FARS2: variants seen among roughly 807,000 people sequenced by gnomAD.
FARS2 encodes phenylalanyl-tRNA synthetase 2, mitochondrial, also known as phenylalanine--tRNA ligase, mitochondrial.
A neutral mutation model predicts 46.4 loss-of-function variants in FARS2; 40 were observed. The observed-to-expected ratio is 0.86, with a 90% CI of 0.67 to 1.12. The LOEUF (loss-of-function observed/expected upper bound fraction) is 1.12, where lower values mean the gene tolerates loss of function less well. Ranked by LOEUF, FARS2 falls within the 50% of genes most tolerant of loss-of-function variation. FARS2 has a pLI of 0.00. For synonymous variants in FARS2, 234 were observed against 214.9 expected, an observed-to-expected ratio of 1.09 and a Z score of -0.78; for missense variants, 513 against 567.9, an observed-to-expected ratio of 0.90 and a Z score of 0.98.
chr6:5,358,551 A>AT (rs1229872173), intron 1 of FARS2, among the ~76,000 whole-genome samples: 5 of 152,032 alleles, frequency 3.3e-5, no homozygotes, highest in African/African-American at 4.8e-5. Context: ...TATTGAGAGG[A>AT]TTTTTTTCCC....
At position 5,461,748 on chromosome 6, in the gene FARS2, A is replaced by G. The variant is rs569378454; in HGVS notation, c.904+30576A>G. The stretch of plus-strand genomic sequence containing the variant: ...AGCACAGTGTTTTGCGGTTCATCCT[A>G]TTAGCATGTCTCAGTAGTTTGTTCT... On this transcript the variant is annotated intron_variant, in intron 4 of 6. Coordinates refer to ENST00000274680, the MANE Select transcript of FARS2 (RefSeq NM_006567.5). Among the ~76,000 whole-genome samples the G allele has an allele frequency of 4.4e-4, 67 of 152,268 alleles. 1 individual carries two copies. The highest frequency in any genetic ancestry group is 1.6e-3 in the African/African-American group (65 of 41,552).
chr6:5,685,245 G>C (rs1757106278), intron 6 of FARS2, among the ~76,000 whole-genome samples: 1 of 152,150 alleles, frequency 6.6e-6, no homozygotes, highest in Non-Finnish European at 1.5e-5. Flanking sequence ...TGTACGTATA[G>C]TTGCTTTTTC....
chr6:5,290,274 A>G (rs558840686), intron 1 of FARS2, among the ~76,000 whole-genome samples: 2 of 152,272 alleles, frequency 1.3e-5, no homozygotes, highest in African/African-American at 4.8e-5. Flanking sequence ...TTGACAACTC[A>G]TGCTTCCTGA....
chr6:5,613,806 C>T (rs900924345), intron 6 of FARS2, among the ~76,000 whole-genome samples: 1 of 152,068 alleles, frequency 6.6e-6, no homozygotes, highest in Non-Finnish European at 1.5e-5. Flanking sequence ...GAGAGGCAGA[C>T]GTTAAATACA....
At chr6:5,254,920 G>A in the FARS2 span, among the ~76,000 whole-genome samples, 2 of 152,012 alleles carry the variant, frequency 1.3e-5, no homozygotes, top group Non-Finnish European at 2.9e-5. Context: ...TCTACTCACG[G>A]CAGCAATTTA....
chr6:5,739,761 T>C (rs1761203307), intron 6 of FARS2, among the ~76,000 whole-genome samples: 1 of 152,176 alleles, frequency 6.6e-6, no homozygotes, highest in South Asian at 2.1e-4. Context: ...CCCAGAACGG[T>C]AGGTCAGGCA....
At chr6:5,376,040 C>T (rs992725822) in intron 2 of FARS2, among the ~76,000 whole-genome samples, 1 of 152,086 alleles carries the variant, frequency 6.6e-6, no homozygotes, top group African/African-American at 2.4e-5. Flanking sequence ...TTTCTACGTG[C>T]TGGGTGGAGA....
intron 2 of FARS2, among the ~76,000 whole-genome samples, chr6:5,371,832 G>T (rs1211012552): frequency 6.6e-6 from 1 of 152,032 alleles, no homozygotes; most frequent in Non-Finnish European, 1.5e-5. Context: ...TAAGGATGTA[G>T]ATATAAGTCC....
intron 2 of FARS2, among the ~76,000 whole-genome samples, chr6:5,393,869 G>T (rs887387829): frequency 7.9e-5 from 12 of 152,198 alleles, no homozygotes; most frequent in African/African-American, 2.9e-4. Flanking sequence ...TTTAGTATGT[G>T]GATGGAAGGG....
At chr6:5,512,731 C>T (rs1001770755) in intron 4 of FARS2, among the ~76,000 whole-genome samples, 2 of 152,074 alleles carry the variant, frequency 1.3e-5, no homozygotes, top group African/African-American at 4.8e-5. Context: ...AAAACACAAA[C>T]ACTTTCATGC....
chr6:5,449,346 C>A, intron 4 of FARS2, among the ~76,000 whole-genome samples: 1 of 73,346 alleles, frequency 1.4e-5, no homozygotes, highest in Non-Finnish European at 2.3e-5. Context: ...GAGTAAGACT[C>A]CATCTCAAAA....
chr6:5,539,384 G>GTGTA lies in FARS2; in HGVS notation c.905-5795_905-5794insGTAT. Among the ~76,000 whole-genome samples the GTGTA allele has an allele frequency of 2.2e-3, 178 of 79,592 alleles. 15 individuals are homozygous for GTGTA. The highest frequency in any genetic ancestry group is 7.1e-3 in the African/African-American group (154 of 21,626). 52.2% of individuals were successfully genotyped at this position (79,592 alleles called of 152,430 possible). A position where few individuals can be genotyped will look rare whatever the true frequency, so the allele number is the denominator to read the frequency against. ...ACCATGCCCACCTAATTTTTTTTGT[G>GTGTA]TATATATATATATATGTATATATTT... On this transcript the variant is annotated intron_variant, in intron 4 of 6. Transcript: ENST00000274680.
At chr6:5,496,108 A>G (rs1481732537) in intron 4 of FARS2, among the ~76,000 whole-genome samples, 1 of 152,190 alleles carries the variant, frequency 6.6e-6, no homozygotes, top group Non-Finnish European at 1.5e-5. Context: ...TACTACGGCC[A>G]TATAAAACAA....
At chr6:5,518,058 T>C (rs970900615) in intron 4 of FARS2, among the ~76,000 whole-genome samples, 9 of 152,314 alleles carry the variant, frequency 5.9e-5, no homozygotes, top group Non-Finnish European at 1.0e-4. Context: ...ATTTTAAATA[T>C]GAGAGTCATG....
chr6:5,769,535 G>A (rs1449429250), intron 6 of FARS2, among the ~76,000 whole-genome samples: 1 of 152,222 alleles, frequency 6.6e-6, no homozygotes, highest in Non-Finnish European at 1.5e-5. Flanking sequence ...GGCAGTTTGG[G>A]CAGCAGTGCC....
chr6:5,461,590 C>T (rs1034026186), intron 4 of FARS2, among the ~76,000 whole-genome samples: 1 of 151,862 alleles, frequency 6.6e-6, no homozygotes, highest in African/African-American at 2.4e-5. Context: ...AGGGGGGTCT[C>T]ACTGCTGTTG....
intron 4 of FARS2, among the ~76,000 whole-genome samples, chr6:5,534,964 C>T (rs1180157865): frequency 2.7e-5 from 4 of 149,826 alleles, no homozygotes; most frequent in African/African-American, 7.3e-5. Flanking sequence ...ACAGCAGCCG[C>T]GCTACTTTAC....
At chr6:5,670,301 A>G (rs1386806815) in intron 6 of FARS2, among the ~76,000 whole-genome samples, 1 of 152,230 alleles carries the variant, frequency 6.6e-6, no homozygotes, top group Non-Finnish European at 1.5e-5. Context: ...TACATATTCA[A>G]CAGGCAGTAC....
chr6:5,520,339 G>A (rs924035126), intron 4 of FARS2, among the ~76,000 whole-genome samples: 30 of 152,150 alleles, frequency 2.0e-4, no homozygotes, highest in African/African-American at 7.2e-4. Context: ...GCTGGGAATA[G>A]CCACATGTAG....
Sources: allele counts gnomAD v4.1 joint callset (sites outside exome capture counted in the v4.1 genomes callset), GRCh38; gene constraint gnomAD v4.1.1; transcripts MANE v1.5; gene names NCBI Gene and HGNC (gene_info 2026-07-23, HGNC 2026-07-21).